Variants in PIK3CD observed in about 807,000 individuals in gnomAD.
The protein encoded by PIK3CD is phosphatidylinositol-4,5-bisphosphate 3-kinase catalytic subunit delta, also known as phosphatidylinositol 4,5-bisphosphate 3-kinase catalytic subunit delta isoform.
A neutral mutation model predicts 122.9 loss-of-function variants in PIK3CD; 20 were observed. The observed-to-expected ratio is 0.16, with a 90% CI of 0.11 to 0.24. The LOEUF (loss-of-function observed/expected upper bound fraction) is 0.24. Ranked by LOEUF, PIK3CD falls within the 10% of genes least tolerant of loss-of-function variation. The probability of loss-of-function intolerance (pLI) is 1.00; values close to 1 mark genes in which losing one functional copy is unlikely to be tolerated. For missense variants in PIK3CD, 787 were observed against 1,406.3 expected (o/e 0.56, Z 7.04); for synonymous variants, 596 against 593.4 (o/e 1.00, Z -0.06).
In PIK3CD at chr1:9,715,851, C is replaced by T. The variant is rs1410662789; in HGVS notation, c.373C>T (p.Leu125Phe). Residue 125 changes from leucine to phenylalanine, a missense_variant and splice_region_variant, in exon 5 of 24, where the codon CTC becomes TTC. Transcript: ENST00000377346. This position sits in a 1 kb window ranked among gnomAD's most constrained non-coding sequence, Gnocchi z 4.1. Reference protein sequence around the residue: ...SQISLLIGKGLHEFDSLCDPE... With the variant: ...SQISLLIGKGFHEFDSLCDPE... ...ACCCAGCCCTCCCCACCCCGCAGGC[C>T]TCCACGAGTTTGACTCCTTGTGCGA... The T allele has an allele frequency of 1.2e-6, 2 of 1,612,324 alleles. No individual in the cohort carries two copies. Among genetic ancestry groups the T allele is most frequent in the Non-Finnish European group, 1.7e-6 (2 of 1,179,732 alleles).
At chr1:9,669,615 C>T (rs948100432) in intron 1 of PIK3CD, among the ~76,000 whole-genome samples, 1 of 152,088 alleles carries the variant, frequency 6.6e-6, no homozygotes, top group African/African-American at 2.4e-5. Flanking sequence ...CATGAGCCTG[C>T]GCCAGACCTC....
In PIK3CD at chr1:9,697,422, G is replaced by T. The variant is rs553148044; in HGVS notation, c.-33+5851G>T. ...AAATCATGGACTTGTGGCCAGGCAC[G>T]GTGGCTCATGCCTGTAATCCCAGGA... is the stretch of plus-strand genomic sequence containing the variant. On this transcript the variant is annotated intron_variant, in intron 2 of 23. Transcript: ENST00000377346. Among the ~76,000 whole-genome samples the T allele has an allele frequency of 7.3e-5, 11 of 150,848 alleles. 1 individual carries two copies. In the South Asian group the frequency reaches 2.3e-3, roughly 32 times the overall value.
In PIK3CD at chr1:9,720,358, A is replaced by G; in HGVS notation, c.1470+116A>G. ...CCACGTCGGGGCTGGGCTACCAGGC[A>G]TATCTGGGGCCTTCCCAGGGGCCAT... On this transcript the variant is annotated intron_variant, in intron 11 of 23. Transcript: ENST00000377346. This position sits in a 1 kb window ranked among gnomAD's most constrained non-coding sequence, Gnocchi z 9.0. 7.1e-7 allele frequency: 1 copy of G among 1,414,336 alleles called. No individual in the cohort carries two copies. The highest frequency in any genetic ancestry group is 9.5e-7 in the Non-Finnish European group (1 of 1,053,972). 87.6% of individuals were successfully genotyped at this position (1,414,336 alleles called of 1,614,324 possible).
rs1647228269 is a variant in PIK3CD, at chr1:9,715,066, ACT to A, written c.142-473_142-472del. Reference sequence around the variant, plus strand: ...GTGGTGCATGCCTATAATCCCAGCTACTCGGGAGGCTGAGGCAAGAGAATCAC... The same window carrying A: ...GTGGTGCATGCCTATAATCCCAGCTACGGGAGGCTGAGGCAAGAGAATCAC... On this transcript the variant is annotated intron_variant, in intron 3 of 23. Coordinates refer to ENST00000377346, the MANE Select transcript of PIK3CD (RefSeq NM_005026.5). The surrounding 1 kb of genome is among the most constrained non-coding windows in gnomAD (Gnocchi z 4.1). Among the ~76,000 whole-genome samples, 1 of 152,094 alleles carries A rather than the reference ACT, an allele frequency of 6.6e-6. No homozygotes were observed. Among genetic ancestry groups the A allele is most frequent in the Non-Finnish European group, 1.5e-5 (1 of 68,010 alleles).
chr1:9,724,153 C>T lies in PIK3CD; in HGVS notation c.2718+61C>T, dbSNP rs926588548. 1 of 1,613,728 alleles carries T rather than the reference C, an allele frequency of 6.2e-7. No homozygotes were observed. Among genetic ancestry groups the T allele is most frequent in the Non-Finnish European group, 8.5e-7 (1 of 1,179,996 alleles). ...TTGGCTTCTGGCCCCAGCCTGCTGG[C>T]CCCTCTGCCTAGCACACAGCTCTGT... On this transcript the variant is annotated intron_variant, in intron 21 of 23. Coordinates refer to ENST00000377346, the MANE Select transcript of PIK3CD (RefSeq NM_005026.5). This position sits in a 1 kb window ranked among gnomAD's most constrained non-coding sequence, Gnocchi z 7.3.
intron 1 of PIK3CD, chr1:9,653,468 C>T (rs147751770): frequency 1.6e-4 from 41 of 250,122 alleles, no homozygotes; most frequent in Non-Finnish European, 2.4e-4. Context: ...GACGCCAGCG[C>T]GTTTAATCAT....
chr1:9,628,006 G>T, the PIK3CD span, among the ~76,000 whole-genome samples: 2 of 152,212 alleles, frequency 1.3e-5, no homozygotes, highest in African/African-American at 2.4e-5. Context: ...CTGAGATCGC[G>T]TCACTGCGAT....
intron 1 of PIK3CD, among the ~76,000 whole-genome samples, chr1:9,669,389 A>T (rs1302552484): frequency 6.6e-6 from 1 of 152,294 alleles, no homozygotes; most frequent in East Asian, 1.9e-4. Context: ...CTGAGTCAAC[A>T]TGAGTGACCA....
chr1:9,633,080 C>T, the PIK3CD span, among the ~76,000 whole-genome samples: 1 of 152,030 alleles, frequency 6.6e-6, no homozygotes, highest in Non-Finnish European at 1.5e-5. Context: ...CCAGGATGGT[C>T]TCCATCTCCT....
chr1:9,716,413 G>A (rs377181944), intron 5 of PIK3CD, 27 bp from the exon 6 acceptor site: 237 of 1,610,122 alleles, frequency 1.5e-4, no homozygotes, highest in Non-Finnish European at 1.7e-4. Flanking sequence ...CTCGAGGGCA[G>A]AGGACTGACC....
At chr1:9,631,400 A>T in the PIK3CD span, among the ~76,000 whole-genome samples, 1 of 152,250 alleles carries the variant, frequency 6.6e-6, no homozygotes, top group African/African-American at 2.4e-5. Context: ...CATGCCAGTA[A>T]TCCCAGCATT....
rs1409826640 is a variant in PIK3CD, at chr1:9,652,991, A to C, written c.-138+1189A>C. 2 of 152,174 alleles carry C rather than the reference A, an allele frequency of 1.3e-5. No homozygotes were observed. The highest frequency in any genetic ancestry group is 2.9e-5 in the Non-Finnish European group (2 of 68,060). 9.4% of individuals were successfully genotyped at this position (152,174 alleles called of 1,614,324 possible). A position where few individuals can be genotyped will look rare whatever the true frequency, so the allele number is the denominator to read the frequency against. ...GTTCCCTGGAAGGTGGGACCTGCAGATCTTGAACCCCACCAGACTCCATCA... is the reference window on the plus strand; with the variant it reads ...GTTCCCTGGAAGGTGGGACCTGCAGCTCTTGAACCCCACCAGACTCCATCA... On this transcript the variant is annotated intron_variant, in intron 1 of 23. Coordinates refer to ENST00000377346, the MANE Select transcript of PIK3CD (RefSeq NM_005026.5). The surrounding 1 kb of genome is among the most constrained non-coding windows in gnomAD (Gnocchi z 6.2).
In PIK3CD at chr1:9,715,804, G is replaced by GCCCTGCCTGCCCCACCCGCTGA; in HGVS notation, c.370+39_371-20dup. On this transcript the variant is annotated intron_variant, in intron 4 of 23. Transcript: ENST00000377346. This position sits in a 1 kb window ranked among gnomAD's most constrained non-coding sequence, Gnocchi z 4.1. ...CCGAGTGGGCCGTGTGGCCGGGCTG[G>GCCCTGCCTGCCCCACCCGCTGA]CCCTGCCTGCCCCACCCGCTGACCC... The GCCCTGCCTGCCCCACCCGCTGA allele has an allele frequency of 6.2e-7, 1 of 1,611,954 alleles. No individual in the cohort carries two copies. The highest frequency in any genetic ancestry group is 8.5e-7 in the Non-Finnish European group (1 of 1,179,410).
At chr1:9,681,336 CA>C (rs145025169) in intron 1 of PIK3CD, among the ~76,000 whole-genome samples, 3,648 of 152,252 alleles carry the variant, frequency 0.024, 151 homozygotes, top group African/African-American at 0.082. Context: ...CTCCTGGGCT[CA>C]AGCAACCCTC....
Position 9,717,161 on chromosome 1 carries a change from C to T in PIK3CD, c.930+53C>T, listed in dbSNP as rs1353719293. 14 of 1,602,398 alleles carry T rather than the reference C, an allele frequency of 8.7e-6. No homozygotes were observed. Among genetic ancestry groups the T allele is most frequent in the Middle Eastern group, 1.6e-4 (1 of 6,064 alleles). On this transcript the variant is annotated intron_variant, in intron 7 of 23. Transcript: ENST00000377346. The surrounding 1 kb of genome is among the most constrained non-coding windows in gnomAD (Gnocchi z 5.4). Reference sequence around the variant, plus strand: ...TGAGCCACCCCTTCTTTCCACCTGGCGTCCAACTCCATGTGCTACTGGCCA... The same window carrying T: ...TGAGCCACCCCTTCTTTCCACCTGGTGTCCAACTCCATGTGCTACTGGCCA...
intron 1 of PIK3CD, chr1:9,672,863 C>T (rs868344345): frequency 6.6e-6 from 1 of 152,116 alleles, no homozygotes; most frequent in East Asian, 1.9e-4. Context: ...CGTGGCTAGC[C>T]GCACAGAGTC....
Position 9,723,786 on chromosome 1 carries a change from G to A in PIK3CD, c.2595-183G>A, listed in dbSNP as rs560135300. Among the ~76,000 whole-genome samples the A allele has an allele frequency of 5.9e-5, 9 of 152,280 alleles. 1 individual carries two copies. The South Asian group carries it at 1.5e-3, about 25-fold the overall frequency. On this transcript the variant is annotated intron_variant, in intron 20 of 23. Coordinates refer to ENST00000377346, the MANE Select transcript of PIK3CD (RefSeq NM_005026.5). The surrounding 1 kb of genome is among the most constrained non-coding windows in gnomAD (Gnocchi z 4.9). ...AGGGTATGGGGTTCAAGATCTGCAG[G>A]GGTCTTCATGCCTTGGCTCTGGAAT... is the stretch of plus-strand genomic sequence containing the variant.
chr1:9,684,470 G>A (rs908167194), intron 1 of PIK3CD, among the ~76,000 whole-genome samples: 2 of 151,150 alleles, frequency 1.3e-5, no homozygotes, highest in African/African-American at 2.4e-5. Flanking sequence ...CCAAGAGGCC[G>A]AGGTTGCAGT....
At chr1:9,678,810 C>T (rs1645636763) in intron 1 of PIK3CD, among the ~76,000 whole-genome samples, 1 of 152,340 alleles carries the variant, frequency 6.6e-6, no homozygotes, top group South Asian at 2.1e-4. Flanking sequence ...GAAGACATTG[C>T]ACAAGTTTGC....
Sources: gnomAD v4.1 joint callset for allele counts (sites outside exome capture counted in the v4.1 genomes callset) on GRCh38, gnomAD v4.1.1 for gene constraint, Gnocchi (gnomAD v3.1) non-coding constraint, MANE v1.5 for transcripts, NCBI Gene and HGNC (gene_info 2026-07-23, HGNC 2026-07-21) for gene names.